The following KRABD3 variants were observed in gnomAD, a reference collection of about 807,000 sequenced individuals.
KRABD3 encodes KRAB domain-containing protein 3.
At chr7:149,723,057 C>G in the KRABD3 span, 1 of 1,027,326 alleles carries the variant, frequency 9.7e-7, no homozygotes, top group Admixed American at 3.4e-5. Context: ...TCGTTACCAG[C>G]TTGGTCGCTG....
At chr7:149,729,686 C>G in the KRABD3 span, 24 of 985,402 alleles carry the variant, frequency 2.4e-5, no homozygotes, top group Non-Finnish European at 2.9e-5. Flanking sequence ...GAATTCCTTC[C>G]TAGATCTGCT....
the KRABD3 span, chr7:149,725,799 G>C: frequency 7.8e-7 from 1 of 1,273,940 alleles, no homozygotes; most frequent in South Asian, 1.6e-5. Flanking sequence ...CTTTGGGGCA[G>C]GGTCTTCTGG....
chr7:149,722,897 G>C, the KRABD3 span: 3 of 1,613,496 alleles, frequency 1.9e-6, no homozygotes, highest in Non-Finnish European at 2.5e-6. Flanking sequence ...CCTCTCCCTA[G>C]CCTGGGCACG....
the KRABD3 span, chr7:149,733,281 C>T: frequency 9.9e-6 from 16 of 1,612,596 alleles, no homozygotes; most frequent in Admixed American, 1.7e-5. Context: ...GAGCTGCCCC[C>T]TCCGGAAGCT....
chr7:149,718,754 ATCTG>A, the KRABD3 span, among the ~76,000 whole-genome samples: 8 of 152,122 alleles, frequency 5.3e-5, no homozygotes, highest in Non-Finnish European at 7.4e-5. Flanking sequence ...ATCTCAGGTG[ATCTG>A]TCTGCCTTGG....
At chr7:149,720,417 A>G in the KRABD3 span, among the ~76,000 whole-genome samples, 61 of 152,334 alleles carry the variant, frequency 4.0e-4, no homozygotes, top group African/African-American at 1.4e-3. Context: ...CCAGCTCCCA[A>G]AAGTCCTGCC....
At chr7:149,720,775 G>A in the KRABD3 span, 31 of 1,482,198 alleles carry the variant, frequency 2.1e-5, no homozygotes, top group East Asian at 1.7e-4. Flanking sequence ...AAACACGCAC[G>A]TAGGTGTGAG....
chr7:149,719,856 C>T, the KRABD3 span, among the ~76,000 whole-genome samples: 3 of 152,092 alleles, frequency 2.0e-5, no homozygotes, highest in Non-Finnish European at 4.4e-5. This position sits in a 1 kb window ranked among gnomAD's most constrained non-coding sequence, Gnocchi z 5.6. Context: ...GGGTATGCGG[C>T]GGCCTCTGAG....
chr7:149,725,130 G>T, the KRABD3 span, among the ~76,000 whole-genome samples: 1 of 152,204 alleles, frequency 6.6e-6, no homozygotes, highest in Non-Finnish European at 1.5e-5. Context: ...GCCTTCCAGG[G>T]AGCAGGGTGG....
chr7:149,730,837 C>A, the KRABD3 span: 1 of 496,808 alleles, frequency 2.0e-6, no homozygotes, highest in Non-Finnish European at 3.6e-6. Context: ...TACACGTGTG[C>A]ATGTAGACAG....
chr7:149,732,134 C>T, the KRABD3 span, among the ~76,000 whole-genome samples: 1 of 152,184 alleles, frequency 6.6e-6, no homozygotes, highest in South Asian at 2.1e-4. The surrounding 1 kb of genome is among the most constrained non-coding windows in gnomAD (Gnocchi z 4.0). Flanking sequence ...TGGAGACATG[C>T]AGGGGGCCTG....
At chr7:149,717,222 C>A in the KRABD3 span, among the ~76,000 whole-genome samples, 1 of 152,214 alleles carries the variant, frequency 6.6e-6, no homozygotes, top group Non-Finnish European at 1.5e-5. Flanking sequence ...CTGCCATGAA[C>A]CAAAATTCCA....
the KRABD3 span, among the ~76,000 whole-genome samples, chr7:149,727,806 A>G: frequency 2.3e-4 from 35 of 152,172 alleles, no homozygotes; most frequent in Non-Finnish European, 3.1e-4. Flanking sequence ...GCTGTGGAGA[A>G]AATGCATGTG....
the KRABD3 span, chr7:149,722,628 C>T: frequency 6.6e-7 from 1 of 1,522,302 alleles, no homozygotes; most frequent in Non-Finnish European, 9.0e-7. Context: ...TCATGCTGCT[C>T]CGCCGCCTGG....
chr7:149,725,013 T>C, the KRABD3 span, among the ~76,000 whole-genome samples: 1 of 152,184 alleles, frequency 6.6e-6, no homozygotes, highest in African/African-American at 2.4e-5. Flanking sequence ...AGCCCAGGCC[T>C]TTGTCCAAGC....
At chr7:149,729,823 G>A in the KRABD3 span, 2 of 985,320 alleles carry the variant, frequency 2.0e-6, no homozygotes, top group Admixed American at 6.1e-5. Flanking sequence ...GGGGTGCAGG[G>A]ATGGCACCTG....
chr7:149,726,141 G>T, the KRABD3 span: 72 of 1,299,150 alleles, frequency 5.5e-5, no homozygotes, highest in Non-Finnish European at 7.3e-5. Context: ...GGCTTGACTG[G>T]GTCAGACCCC....
the KRABD3 span, chr7:149,725,280 G>A: frequency 2.9e-5 from 45 of 1,531,968 alleles, no homozygotes; most frequent in Admixed American, 5.0e-4. Context: ...TGGAATGTGT[G>A]GGAGATGGTA....
the KRABD3 span, chr7:149,724,998 T>G: frequency 1.4e-6 from 1 of 723,956 alleles, no homozygotes; most frequent in East Asian, 2.9e-5. Context: ...ATCCACAGCC[T>G]CCTCAGCCCA....
Sources: allele counts gnomAD v4.1 joint callset (sites outside exome capture counted in the v4.1 genomes callset), GRCh38; gene constraint gnomAD v4.1.1; non-coding constraint Gnocchi (gnomAD v3.1); transcripts MANE v1.5; gene names NCBI Gene and HGNC (gene_info 2026-07-23, HGNC 2026-07-21).